TMEM74: variants seen among roughly 807,000 people sequenced by gnomAD.
TMEM74 encodes the protein transmembrane protein 74.
TMEM74 carries 13 observed loss-of-function variants against 18.1 expected under a neutral mutation model. The ratio of observed to expected loss-of-function variants is 0.72; its 90% CI spans 0.47 to 1.14. The LOEUF is 1.14. Ranked by LOEUF, TMEM74 falls within the 50% of genes most tolerant of loss-of-function variation. The pLI is 0.00. For missense variants in TMEM74, 372 were observed against 375.9 expected (o/e 0.99, Z 0.09); for synonymous variants, 159 against 146.6 (o/e 1.08, Z -0.61).
intron 1 of TMEM74, among the ~76,000 whole-genome samples, chr8:108,682,245 C>G (rs553591755): frequency 6.6e-6 from 1 of 152,174 alleles, no homozygotes; most frequent in African/African-American, 2.4e-5. Flanking sequence ...CCGGATCATT[C>G]TCATCTCCAG....
intron 1 of TMEM74, among the ~76,000 whole-genome samples, chr8:108,740,096 C>T (rs1315200168): frequency 6.6e-6 from 1 of 152,078 alleles, no homozygotes; most frequent in Non-Finnish European, 1.5e-5. Flanking sequence ...CATAATGGAA[C>T]TACAATCCAT....
At chr8:108,731,251 A>G (rs1331120335) in intron 1 of TMEM74, among the ~76,000 whole-genome samples, 1 of 151,230 alleles carries the variant, frequency 6.6e-6, no homozygotes, top group Non-Finnish European at 1.5e-5. Flanking sequence ...AAAAAAGGAC[A>G]CAGTGAAGGG....
At chr8:108,613,337 C>A (rs1231200179) in intron 2 of TMEM74, among the ~76,000 whole-genome samples, 1 of 152,218 alleles carries the variant, frequency 6.6e-6, no homozygotes, top group African/African-American at 2.4e-5. Context: ...CCTGCCAAAC[C>A]TCTGGGTCCC....
At chr8:108,627,494 AAT>A (rs768760808) in intron 2 of TMEM74, among the ~76,000 whole-genome samples, 12 of 152,042 alleles carry the variant, frequency 7.9e-5, no homozygotes, top group Admixed American at 2.0e-4. Flanking sequence ...TAAAGAAAAA[AAT>A]GAGATAACAA....
intron 1 of TMEM74, among the ~76,000 whole-genome samples, chr8:108,719,414 T>C (rs566826876): frequency 3.3e-5 from 5 of 152,222 alleles, no homozygotes; most frequent in African/African-American, 1.2e-4. Context: ...TTTTGGCAGC[T>C]CTGCATTGTT....
chr8:108,659,784 C>G (rs1812881785), intron 1 of TMEM74, among the ~76,000 whole-genome samples: 1 of 152,146 alleles, frequency 6.6e-6, no homozygotes, highest in African/African-American at 2.4e-5. Flanking sequence ...ATGTTGTCAG[C>G]AAGCAGCCTC....
chr8:108,701,680 G>A (rs1207784460), intron 1 of TMEM74, among the ~76,000 whole-genome samples: 1 of 152,012 alleles, frequency 6.6e-6, no homozygotes, highest in Non-Finnish European at 1.5e-5. Flanking sequence ...AGGCAAAACT[G>A]TAACAAAATA....
chr8:108,641,845 T>C (rs1417392770), intron 2 of TMEM74, among the ~76,000 whole-genome samples: 1 of 152,192 alleles, frequency 6.6e-6, no homozygotes, highest in Non-Finnish European at 1.5e-5. Context: ...CTTCATAAAC[T>C]TTATTCCATC....
chr8:108,665,500 A>T (rs1812941322), intron 1 of TMEM74, among the ~76,000 whole-genome samples: 1 of 152,156 alleles, frequency 6.6e-6, no homozygotes, highest in African/African-American at 2.4e-5. Flanking sequence ...TTTATTTCCA[A>T]AGATTTCTGA....
chr8:108,646,549 A>G lies in TMEM74; in HGVS notation n.264+8744T>C, dbSNP rs924371873. Among the ~76,000 whole-genome samples, 6 of 152,208 alleles carry G rather than the reference A, an allele frequency of 3.9e-5. No individual in the cohort carries two copies. The East Asian group carries it at 7.7e-4, about 20-fold the overall frequency. ...CCAAATAGACAAGAATATGCCTTTT[A>G]TTGTATATTCTGCTTACAGACTTGG... is the stretch of plus-strand genomic sequence containing the variant. On this transcript the variant is annotated intron_variant and non_coding_transcript_variant, in intron 2 of 3. Transcript: ENST00000518838.
At chr8:108,661,226 C>G (rs1401522600) in intron 1 of TMEM74, among the ~76,000 whole-genome samples, 1 of 151,990 alleles carries the variant, frequency 6.6e-6, no homozygotes, top group Non-Finnish European at 1.5e-5. Flanking sequence ...ATTATGGCAT[C>G]CCTTGTACAA....
chr8:108,712,879 G>C (rs999729413), intron 1 of TMEM74, among the ~76,000 whole-genome samples: 1 of 152,150 alleles, frequency 6.6e-6, no homozygotes, highest in Admixed American at 6.5e-5. Flanking sequence ...GAAGCTTGTG[G>C]GACATTGCTT....
chr8:108,739,397 G>A (rs1274856548), intron 1 of TMEM74, among the ~76,000 whole-genome samples: 1 of 152,206 alleles, frequency 6.6e-6, no homozygotes, highest in Non-Finnish European at 1.5e-5. Flanking sequence ...TGTATTTTAG[G>A]AGGCAGACCA....
rs1366331259 is a variant in TMEM74, at chr8:108,779,112, AATG to A, written c.*5066_*5068del. Among the ~76,000 whole-genome samples, 3 of 152,334 alleles carry A rather than the reference AATG, an allele frequency of 2.0e-5. No individual in the cohort carries two copies. The South Asian group carries it at 6.2e-4, about 32-fold the overall frequency. On this transcript the variant is annotated 3_prime_UTR_variant, in exon 2 of 2. Coordinates refer to ENST00000297459, the MANE Select transcript of TMEM74 (RefSeq NM_153015.3). ...AAGCCTTTGAATAGTTTTATTTTAAAATGATATGACACACTTGCTATTAACATA... is the reference window on the plus strand; with the variant it reads ...AAGCCTTTGAATAGTTTTATTTTAAAATATGACACACTTGCTATTAACATA...
Position 108,739,252 on chromosome 8 carries a change from A to G in TMEM74, n.119+48224T>C, listed in dbSNP as rs763286533. Among the ~76,000 whole-genome samples, 48 of 152,226 alleles carry G rather than the reference A, an allele frequency of 3.2e-4. 1 individual carries two copies. Among genetic ancestry groups the G allele is most frequent in the Non-Finnish European group, 6.0e-4 (41 of 68,032 alleles). Reference sequence around the variant, plus strand: ...TCAGAATCTGAATCCTAGAATAGATACTGAAAGTAACACAAGATAAAATGT... The same window carrying G: ...TCAGAATCTGAATCCTAGAATAGATGCTGAAAGTAACACAAGATAAAATGT... On this transcript the variant is annotated intron_variant and non_coding_transcript_variant, in intron 1 of 3. Coordinates refer to the TMEM74 transcript ENST00000518838.
At chr8:108,618,796 C>A (rs973517040) in intron 2 of TMEM74, among the ~76,000 whole-genome samples, 3 of 152,134 alleles carry the variant, frequency 2.0e-5, no homozygotes, top group Non-Finnish European at 4.4e-5. Flanking sequence ...ACCTTGTGTA[C>A]TGCTTTGATT....
At position 108,632,645 on chromosome 8, in the gene TMEM74, A is replaced by C. The variant is rs144206720; in HGVS notation, n.264+22648T>G. 3.2e-3 allele frequency among the ~76,000 whole-genome samples: 480 copies of C among 152,182 alleles called. 3 individuals carry two copies. The highest frequency in any genetic ancestry group is 0.011 in the African/African-American group (458 of 41,564). On this transcript the variant is annotated intron_variant and non_coding_transcript_variant, in intron 2 of 3. Transcript: ENST00000518838. ...TTTGGGAGTTAGGATTCATTCACTC[A>C]TTCAATGAACATTTATTGCTCATTG...
intron 2 of TMEM74, among the ~76,000 whole-genome samples, chr8:108,617,310 A>G (rs981774756): frequency 4.6e-5 from 7 of 152,094 alleles, no homozygotes; most frequent in South Asian, 2.1e-4. Flanking sequence ...ACTACGGCCT[A>G]TGGGTTGCTC....
rs1586286361 is a variant in TMEM74 at position 108,756,640 on chromosome 8, A to AAAG, written n.119+30835_119+30836insCTT. On this transcript the variant is annotated intron_variant and non_coding_transcript_variant, in intron 1 of 3. Transcript: ENST00000518838. ...GAAGGAAGGAAGGAAGGAAGGAAGG[A>AAAG]AGAAAGAAAGAGAAAGAAAGAAAGA... 3.8e-3 allele frequency among the ~76,000 whole-genome samples: 266 copies of AAAG among 70,258 alleles called. 3 individuals carry two copies. Among genetic ancestry groups the AAAG allele is most frequent in the Non-Finnish European group, 4.8e-3 (178 of 36,872 alleles). 46.1% of individuals were successfully genotyped at this position (70,258 alleles called of 152,430 possible).
Sources: allele counts gnomAD v4.1 joint callset (sites outside exome capture counted in the v4.1 genomes callset), GRCh38; gene constraint gnomAD v4.1.1; transcripts MANE v1.5; gene names NCBI Gene and HGNC (gene_info 2026-07-23, HGNC 2026-07-21).